The following CDC42EP3 variants were observed in gnomAD, a reference collection of about 807,000 sequenced individuals.
CDC42EP3 encodes the protein CDC42 effector protein (Rho GTPase binding) 3.
A neutral mutation model predicts 15.5 loss-of-function variants in CDC42EP3; 4 were observed. The ratio of observed to expected loss-of-function variants is 0.26; its 90% confidence interval spans 0.13 to 0.59. The LOEUF is 0.59. CDC42EP3 is among the 20% of genes least tolerant of loss of function. The probability of loss-of-function intolerance (pLI) is 0.89; values close to 1 mark genes in which losing one functional copy is unlikely to be tolerated. For missense variants in CDC42EP3, 309 were observed against 311.2 expected (o/e 0.99, Z 0.05); for synonymous variants, 145 against 130.3 (o/e 1.11, Z -0.77).
intron 1 of CDC42EP3, among the ~76,000 whole-genome samples, chr2:37,654,472 A>T (rs1015139010): frequency 1.5e-4 from 23 of 152,102 alleles, no homozygotes; most frequent in African/African-American, 5.6e-4. Context: ...TACCAAGCAG[A>T]AACTACAAGG....
At chr2:37,664,610 C>T (rs1361016760) in intron 1 of CDC42EP3, among the ~76,000 whole-genome samples, 1 of 152,162 alleles carries the variant, frequency 6.6e-6, no homozygotes, top group Non-Finnish European at 1.5e-5. Context: ...AGGAGATATG[C>T]TACAGAAAGA....
At chr2:37,670,959 GC>G (rs941590944) in intron 1 of CDC42EP3, among the ~76,000 whole-genome samples, 3 of 148,736 alleles carry the variant, frequency 2.0e-5, no homozygotes, top group African/African-American at 7.3e-5. Context: ...GCAGGTTGGC[GC>G]CCCACTAACA....
chr2:37,665,959 A>T (rs949135798), intron 1 of CDC42EP3, among the ~76,000 whole-genome samples: 1 of 152,176 alleles, frequency 6.6e-6, no homozygotes. Context: ...AGGTTATACA[A>T]TTTGGGTCAG....
rs972708129 is a variant in CDC42EP3, at chr2:37,642,355, G to A, written c.*3468C>T. On this transcript the variant is annotated 3_prime_UTR_variant, in exon 2 of 2. Transcript: ENST00000295324. ...AACCAACCAGAAGGCTTCCCCGCTG[G>A]GTTGATGGTGGCTTATCATTTGGCA... 2.0e-5 allele frequency: 3 copies of A among 152,322 alleles called. No individual in the cohort carries two copies. Among genetic ancestry groups the A allele is most frequent in the South Asian group, 2.1e-4 (1 of 4,828 alleles). The allele number at this position is 152,322 out of a possible 1,614,324, so 9.4% of individuals were successfully genotyped here.
intron 1 of CDC42EP3, among the ~76,000 whole-genome samples, chr2:37,659,495 T>C (rs74458858): frequency 0.034 from 5,163 of 152,296 alleles, 115 homozygotes; most frequent in Non-Finnish European, 0.049. Flanking sequence ...ATAAAAAATA[T>C]AGATCTTAAG....
At chr2:37,657,466 A>C (rs904700152) in intron 1 of CDC42EP3, among the ~76,000 whole-genome samples, 1 of 152,222 alleles carries the variant, frequency 6.6e-6, no homozygotes, top group Non-Finnish European at 1.5e-5. Context: ...CAAAAGGGCT[A>C]TACATGAGTG....
At chr2:37,667,649 C>T (rs1666286731) in intron 1 of CDC42EP3, among the ~76,000 whole-genome samples, 1 of 152,212 alleles carries the variant, frequency 6.6e-6, no homozygotes, top group South Asian at 2.1e-4. Flanking sequence ...ATTGAATCAT[C>T]TTTAATAATA....
At chr2:37,669,233 T>TAAAAA (rs577020049) in intron 1 of CDC42EP3, among the ~76,000 whole-genome samples, 14 of 121,388 alleles carry the variant, frequency 1.2e-4, no homozygotes, top group African/African-American at 4.3e-4. Context: ...ATGGCCTGGC[T>TAAAAA]AAAAAAAAAA....
chr2:37,666,203 AGT>A (rs1481817119), intron 1 of CDC42EP3, among the ~76,000 whole-genome samples: 1 of 152,140 alleles, frequency 6.6e-6, no homozygotes, highest in East Asian at 1.9e-4. Flanking sequence ...TGTTTCCCAG[AGT>A]GTGTTTCCTG....
rs1214518178 is a variant in CDC42EP3 at position 37,644,229 on chromosome 2, A to G, written c.*1594T>C. 1 of 152,192 alleles carries G rather than the reference A, an allele frequency of 6.6e-6. No homozygotes were observed. The highest frequency in any genetic ancestry group is 1.5e-5 in the Non-Finnish European group (1 of 68,036). 9.4% of individuals were successfully genotyped at this position (152,192 alleles called of 1,614,324 possible). A position where few individuals can be genotyped will look rare whatever the true frequency, so the allele number is the denominator to read the frequency against. On this transcript the variant is annotated 3_prime_UTR_variant, in exon 2 of 2. Transcript: ENST00000295324. ...CAAGAACCCCAAACCCAAAGAAAGA[A>G]TCGTTGAAGTGGTTGGGAGAGGAGG...
upstream of CDC42EP3, chr2:37,671,747 G>T (rs1406207200): frequency 2.0e-5 from 3 of 151,108 alleles, no homozygotes; most frequent in Non-Finnish European, 4.4e-5. Flanking sequence ...GAGGGCGCGG[G>T]CAGCGGGGCC....
Position 37,643,066 on chromosome 2 carries a change from A to G in CDC42EP3, c.*2757T>C, listed in dbSNP as rs554488764. On this transcript the variant is annotated 3_prime_UTR_variant, in exon 2 of 2. Transcript: ENST00000295324. ...CTCAACAAGAAGTGTCTCTACTTATACAAATGGCATGGTTTCTTTTCTGGT... is the reference window on the plus strand; with the variant it reads ...CTCAACAAGAAGTGTCTCTACTTATGCAAATGGCATGGTTTCTTTTCTGGT... 17 of 152,372 alleles carry G rather than the reference A, an allele frequency of 1.1e-4. No individual in the cohort carries two copies. The highest frequency in any genetic ancestry group is 3.4e-3 in the Middle Eastern group (1 of 294). The allele number at this position is 152,372 out of a possible 1,614,324, so 9.4% of individuals were successfully genotyped here.
chr2:37,652,367 C>T (rs901303496), intron 1 of CDC42EP3, among the ~76,000 whole-genome samples: 1 of 151,916 alleles, frequency 6.6e-6, no homozygotes, highest in African/African-American at 2.4e-5. Flanking sequence ...AGGAGCTAAA[C>T]AGGAAAGGCT....
rs1296773343 is a variant in CDC42EP3, at chr2:37,644,927, A to G, written c.*896T>C. 6.6e-6 allele frequency: 1 copy of G among 152,238 alleles called. No individual in the cohort carries two copies. The highest frequency in any genetic ancestry group is 1.5e-5 in the Non-Finnish European group (1 of 68,044). The allele number at this position is 152,238 out of a possible 1,614,324, so 9.4% of individuals were successfully genotyped here. A position where few individuals can be genotyped will look rare whatever the true frequency, so the allele number is the denominator to read the frequency against. ...TAAAATACCTATATTTCCAAATAAC[A>G]TATGTGGTGTAGCCCACAGTCTCTG... On this transcript the variant is annotated 3_prime_UTR_variant, in exon 2 of 2. Coordinates refer to ENST00000295324, the MANE Select transcript of CDC42EP3 (RefSeq NM_006449.5).
chr2:37,663,655 C>T (rs1404597591), intron 1 of CDC42EP3, among the ~76,000 whole-genome samples: 1 of 152,190 alleles, frequency 6.6e-6, no homozygotes, highest in African/African-American at 2.4e-5. Context: ...TGTTCTGTAG[C>T]CTGGGAAGGA....
chr2:37,648,086 A>G (rs1453019119), intron 1 of CDC42EP3, among the ~76,000 whole-genome samples: 1 of 152,208 alleles, frequency 6.6e-6, no homozygotes, highest in Non-Finnish European at 1.5e-5. Context: ...TGCACATACT[A>G]TATGATAAGA....
intron 1 of CDC42EP3, among the ~76,000 whole-genome samples, chr2:37,652,038 G>C (rs1263815251): frequency 6.6e-6 from 1 of 151,912 alleles, no homozygotes; most frequent in East Asian, 1.9e-4. Context: ...AGCCGGGCCT[G>C]GTGGCAGGCG....
intron 1 of CDC42EP3, among the ~76,000 whole-genome samples, chr2:37,659,524 G>A (rs1665988088): frequency 6.6e-6 from 1 of 152,224 alleles, no homozygotes; most frequent in Admixed American, 6.5e-5. Flanking sequence ...TTGTGGACAT[G>A]CTGTTTGAAA....
At chr2:37,655,612 C>T (rs906204390) in intron 1 of CDC42EP3, among the ~76,000 whole-genome samples, 2 of 152,252 alleles carry the variant, frequency 1.3e-5, no homozygotes, top group East Asian at 1.9e-4. Context: ...TTTATCAGGA[C>T]GTGTTGTACA....
Sources: gnomAD v4.1 joint callset for allele counts (sites outside exome capture counted in the v4.1 genomes callset) on GRCh38, gnomAD v4.1.1 for gene constraint, MANE v1.5 for transcripts, NCBI Gene and HGNC (gene_info 2026-07-23, HGNC 2026-07-21) for gene names.